Variants in PREX1 observed in about 807,000 individuals in gnomAD.
The protein encoded by PREX1 is phosphatidylinositol 3,4,5-trisphosphate-dependent Rac exchanger 1 protein.
Under a neutral mutation model 198.3 loss-of-function variants are expected in PREX1, and 41 were observed. That is an observed-to-expected ratio of 0.21 (90% CI 0.16 to 0.27). The LOEUF is 0.27. Ranked by LOEUF, PREX1 falls within the 10% of genes least tolerant of loss-of-function variation. The probability of loss-of-function intolerance (pLI) is 1.00; values close to 1 mark genes in which losing one functional copy is unlikely to be tolerated. For synonymous variants in PREX1, 843 were observed against 887.2 expected (o/e 0.95, Z 0.89); for missense variants, 1,620 against 2,200.7 (o/e 0.74, Z 5.28).
chr20:48,632,731 TG>T, intron 33 of PREX1, 92 bp from the exon 34 acceptor site: 1 of 1,447,820 alleles, frequency 6.9e-7, no homozygotes, highest in Non-Finnish European at 9.5e-7. Context: ...GGCACCTCCC[TG>T]CCCCCAGGTC....
chr20:48,669,206 G>A (rs1168540828), intron 14 of PREX1, among the ~76,000 whole-genome samples: 7 of 147,470 alleles, frequency 4.7e-5, no homozygotes, highest in South Asian at 2.1e-4. Flanking sequence ...CTTTGCACTC[G>A]TCCTTTCCTG....
chr20:48,715,242 G>C (rs1342350398), intron 5 of PREX1, among the ~76,000 whole-genome samples: 1 of 152,182 alleles, frequency 6.6e-6, no homozygotes, highest in African/African-American at 2.4e-5. Flanking sequence ...CGGTGAATCT[G>C]TAAGACCTCA....
At chr20:48,724,269 C>T (rs6095256) in intron 5 of PREX1, among the ~76,000 whole-genome samples, 22,428 of 152,240 alleles carry the variant, frequency 0.15, 1,915 homozygotes, top group South Asian at 0.27. Flanking sequence ...TGTGCCTCAG[C>T]TGCCCCATCT....
At chr20:48,690,536 C>T (rs1432786013) in intron 9 of PREX1, among the ~76,000 whole-genome samples, 1 of 151,894 alleles carries the variant, frequency 6.6e-6, no homozygotes, top group African/African-American at 2.4e-5. Flanking sequence ...ATGTGAACTG[C>T]TTCGGGGGTG....
chr20:48,659,204 G>C (rs2089569812), intron 16 of PREX1, among the ~76,000 whole-genome samples: 1 of 120,172 alleles, frequency 8.3e-6, no homozygotes, highest in African/African-American at 3.1e-5. Flanking sequence ...GGGGAGGGGA[G>C]GGAAGAAAGA....
rs748236939 is a variant in PREX1 at position 48,799,346 on chromosome 20, CCCA to C, written c.219+28293_219+28295del. On this transcript the variant is annotated intron_variant, in intron 1 of 39. Transcript: ENST00000371941. ...CAGTCCCCAAGTGAGATCCCCACTG[CCCA>C]CCACAAGGACATGCAGACAGGCCTG... 2.1e-3 allele frequency among the ~76,000 whole-genome samples: 315 copies of C among 152,284 alleles called. 2 individuals carry two copies. The highest frequency in any genetic ancestry group is 6.3e-4 in the Non-Finnish European group (43 of 68,024).
intron 5 of PREX1, among the ~76,000 whole-genome samples, chr20:48,722,460 G>C (rs1344104982): frequency 6.6e-6 from 1 of 152,226 alleles, no homozygotes; most frequent in Non-Finnish European, 1.5e-5. Context: ...GAGGAGGGGA[G>C]GATGGACAGT....
chr20:48,720,598 C>T (rs1174716713), intron 5 of PREX1, among the ~76,000 whole-genome samples: 1 of 152,116 alleles, frequency 6.6e-6, no homozygotes, highest in Non-Finnish European at 1.5e-5. Context: ...GGCTTCTCCC[C>T]TTCCCCCTCC....
At chr20:48,789,180 T>A (rs943802401) in intron 1 of PREX1, among the ~76,000 whole-genome samples, 7 of 152,186 alleles carry the variant, frequency 4.6e-5, no homozygotes, top group African/African-American at 1.7e-4. Context: ...CCCTTCCAAA[T>A]AACCACCAAT....
chr20:48,761,298 T>C (rs2090178551), intron 1 of PREX1, among the ~76,000 whole-genome samples: 6 of 152,210 alleles, frequency 3.9e-5, no homozygotes. Context: ...TGTGTTTATA[T>C]CAGTCTATTA....
chr20:48,726,415 A>G (rs1363888890), intron 4 of PREX1, 24 bp from the exon 5 acceptor site: 2 of 1,575,162 alleles, frequency 1.3e-6, no homozygotes. Context: ...GGAGACCTTC[A>G]TGAAACCCAC....
Position 48,740,279 on chromosome 20 carries a change from C to A in PREX1, c.414+4746G>T, listed in dbSNP as rs2090075186. ...GCTGCAGTGGATGCCATGGTGCACT[C>A]CTCAAATGCCTGTCACAGAGACAGA... On this transcript the variant is annotated intron_variant, in intron 3 of 39. Coordinates refer to ENST00000371941, the MANE Select transcript of PREX1 (RefSeq NM_020820.4). Among the ~76,000 whole-genome samples the A allele has an allele frequency of 2.6e-5, 4 of 152,204 alleles. No individual in the cohort carries two copies. In the South Asian group the frequency reaches 8.3e-4, roughly 32 times the overall value.
intron 33 of PREX1, among the ~76,000 whole-genome samples, chr20:48,632,939 C>T (rs1355589482): frequency 6.6e-6 from 1 of 152,228 alleles, no homozygotes; most frequent in Admixed American, 6.5e-5. Flanking sequence ...CTGATGCGGA[C>T]TCTGCCTACT....
chr20:48,833,677 G>A, the PREX1 span, among the ~76,000 whole-genome samples: 2 of 152,058 alleles, frequency 1.3e-5, no homozygotes, highest in African/African-American at 4.8e-5. Flanking sequence ...CCTGATCTCA[G>A]GTGATCCATC....
At chr20:48,657,857 G>C (rs1352121900) in intron 17 of PREX1, among the ~76,000 whole-genome samples, 1 of 152,210 alleles carries the variant, frequency 6.6e-6, no homozygotes. Flanking sequence ...AGAAAACTGA[G>C]ACACCTGCTT....
chr20:48,746,142 T>C (rs1374385355), intron 2 of PREX1, among the ~76,000 whole-genome samples: 1 of 152,200 alleles, frequency 6.6e-6, no homozygotes, highest in Non-Finnish European at 1.5e-5. Flanking sequence ...TGCCTCAGCC[T>C]CCCGAGTAGC....
chr20:48,887,961 T>TTAAA, the PREX1 span, among the ~76,000 whole-genome samples: 2,739 of 151,688 alleles, frequency 0.018, 73 homozygotes, highest in South Asian at 0.08. Flanking sequence ...AAAAAATAAA[T>TTAAA]TAAATAAATA....
intron 29 of PREX1, among the ~76,000 whole-genome samples, chr20:48,640,749 T>C (rs980946529): frequency 7.1e-6 from 1 of 140,040 alleles, no homozygotes; most frequent in African/African-American, 2.6e-5. Flanking sequence ...GAAGCATGAA[T>C]GGACAGGTAG....
rs1232868898 is a variant in PREX1 at position 48,646,072 on chromosome 20, A to G, written c.3306-15T>C. 1 of 1,611,044 alleles carries G rather than the reference A, an allele frequency of 6.2e-7. No homozygotes were observed. The highest frequency in any genetic ancestry group is 8.5e-7 in the Non-Finnish European group (1 of 1,179,596). On this transcript the variant is annotated splice_polypyrimidine_tract_variant and intron_variant, in intron 25 of 39. Coordinates refer to ENST00000371941, the MANE Select transcript of PREX1 (RefSeq NM_020820.4). ...TGGACAGCAGCCTACGGAAGCAAAG[A>G]CCTTGAAGTCAAAGATACAGGCCTG...
Sources: gnomAD v4.1 joint callset for allele counts (sites outside exome capture counted in the v4.1 genomes callset) on GRCh38, gnomAD v4.1.1 for gene constraint, MANE v1.5 for transcripts, NCBI Gene and HGNC (gene_info 2026-07-23, HGNC 2026-07-21) for gene names.